Variants in HDC observed in about 807,000 individuals in gnomAD.
HDC encodes the protein histidine decarboxylase.
A neutral mutation model predicts 64.4 loss-of-function variants in HDC; 27 were observed. That is an observed-to-expected ratio of 0.42 (90% CI 0.31 to 0.58). HDC has a LOEUF of 0.58. Ranked by LOEUF, HDC falls within the 20% of genes least tolerant of loss-of-function variation. The pLI is 0.16. For missense variants in HDC, 711 were observed against 833.9 expected (o/e 0.85, Z 1.81); for synonymous variants, 305 against 314.2 (o/e 0.97, Z 0.31).
chr15:50,254,695 T>C, intron 4 of HDC, 31 bp from the exon 5 acceptor site: 1 of 1,613,328 alleles, frequency 6.2e-7, no homozygotes, highest in African/African-American at 1.3e-5. Context: ...CATGGCAGCC[T>C]TTCTGTATTC....
In HDC at chr15:50,242,031, G is replaced by C. The variant is rs1310175689; in HGVS notation, c.*229C>G. The C allele has an allele frequency of 1.7e-6, 1 of 587,990 alleles. No individual in the cohort carries two copies. The highest frequency in any genetic ancestry group is 3.0e-6 in the Non-Finnish European group (1 of 330,856). The allele number at this position is 587,990 out of a possible 1,614,324, so 36.4% of individuals were successfully genotyped here. A position where few individuals can be genotyped will look rare whatever the true frequency, so the allele number is the denominator to read the frequency against. ...CCACAGAAGCTGCCTGTCTACCCTC[G>C]GCCCTTTCTCACTGACCAGACTGCT... On this transcript the variant is annotated 3_prime_UTR_variant, in exon 12 of 12. Transcript: ENST00000267845.
chr15:50,258,655 C>G (rs528571233), intron 2 of HDC, 138 bp from the exon 3 acceptor site: 11 of 693,410 alleles, frequency 1.6e-5, no homozygotes, highest in Non-Finnish European at 2.9e-5. Flanking sequence ...AGTGACATAA[C>G]TCCATGAAAA....
chr15:50,249,757 T>G, intron 9 of HDC, among the ~76,000 whole-genome samples: 1 of 152,236 alleles, frequency 6.6e-6, no homozygotes, highest in South Asian at 2.1e-4. Flanking sequence ...ATAGCCAATT[T>G]ATTTCATATA....
At position 50,242,307 on chromosome 15, in the gene HDC, G is replaced by A. The variant is rs749549807; in HGVS notation, c.1942C>T (p.Gln648Ter). ...SVPSFPECSSQCGLQLPCCPL... is the reference protein window; with the variant it reads ...SVPSFPECSS ...CAACAGGGCAGCTGGAGTCCACATTGAGAGCTGCATTCAGGAAAGCTGGGG... is the reference window on the plus strand; with the variant it reads ...CAACAGGGCAGCTGGAGTCCACATTAAGAGCTGCATTCAGGAAAGCTGGGG... Residue 648 changes from glutamine to a stop codon, truncating the protein, a stop_gained, in exon 12 of 12, where the codon CAA (glutamine) becomes TAA (stop). Coordinates refer to ENST00000267845, the MANE Select transcript of HDC (RefSeq NM_002112.4). LOFTEE classifies it high-confidence loss of function. 1.2e-6 allele frequency: 2 copies of A among 1,614,034 alleles called. No homozygotes were observed. The highest frequency in any genetic ancestry group is 1.3e-5 in the African/African-American group (1 of 74,924).
intron 2 of HDC, among the ~76,000 whole-genome samples, chr15:50,258,945 G>A (rs899393069): frequency 1.3e-5 from 2 of 152,038 alleles, no homozygotes; most frequent in African/African-American, 4.8e-5. Context: ...TGGATCACGA[G>A]ATCAAGAGAT....
Position 50,248,206 on chromosome 15 carries a change from G to A in HDC, c.1140+39C>T. On this transcript the variant is annotated intron_variant, in intron 10 of 11. Transcript: ENST00000267845. The surrounding 1 kb of genome is among the most constrained non-coding windows in gnomAD (Gnocchi z 4.3). Reference sequence around the variant, plus strand: ...GCCTTCCTCGCCATGAGAAAACAGAGGAACACAGGCTCAGCCCCCACAGCA... The same window carrying A: ...GCCTTCCTCGCCATGAGAAAACAGAAGAACACAGGCTCAGCCCCCACAGCA... 1 of 1,410,478 alleles carries A rather than the reference G, an allele frequency of 7.1e-7. No individual in the cohort carries two copies. The highest frequency in any genetic ancestry group is 1.2e-5 in the South Asian group (1 of 86,452). 87.4% of individuals were successfully genotyped at this position (1,410,478 alleles called of 1,614,324 possible).
At chr15:50,256,895 G>A (rs562823835) in intron 4 of HDC, among the ~76,000 whole-genome samples, 57 of 152,204 alleles carry the variant, frequency 3.7e-4, no homozygotes, top group Middle Eastern at 3.4e-3. Context: ...AATGTGTGTG[G>A]TCCATGGGAG....
At chr15:50,244,104 T>C (rs1239710444) in intron 10 of HDC, among the ~76,000 whole-genome samples, 1 of 152,216 alleles carries the variant, frequency 6.6e-6, no homozygotes, top group African/African-American at 2.4e-5. Context: ...GGTTTTTTGC[T>C]TTTTGTTTTT....
At chr15:50,262,381 T>C (rs1013345424) in intron 2 of HDC, among the ~76,000 whole-genome samples, 1 of 152,150 alleles carries the variant, frequency 6.6e-6, no homozygotes, top group Admixed American at 6.5e-5. Context: ...CTGGGAAGAT[T>C]AAATTAGATA....
In HDC at chr15:50,248,969, G is replaced by C. The variant is rs1464581342; in HGVS notation, c.1042-626C>G. Among the ~76,000 whole-genome samples, 3 of 152,236 alleles carry C rather than the reference G, an allele frequency of 2.0e-5. No individual in the cohort carries two copies. The highest frequency in any genetic ancestry group is 4.4e-5 in the Non-Finnish European group (3 of 68,048). On this transcript the variant is annotated intron_variant, in intron 9 of 11. Coordinates refer to ENST00000267845, the MANE Select transcript of HDC (RefSeq NM_002112.4). The surrounding 1 kb of genome is among the most constrained non-coding windows in gnomAD (Gnocchi z 4.3). The stretch of plus-strand genomic sequence containing the variant: ...GTTGTCAGTAGGTGTTGGCTATTTA[G>C]ATTATTTTAAAATGTGAGCTACAAA...
chr15:50,254,056 C>T (rs759880363), intron 6 of HDC, 74 bp downstream of exon 6: 28 of 1,523,182 alleles, frequency 1.8e-5, no homozygotes, highest in Non-Finnish European at 2.5e-5. Flanking sequence ...ATGTTACTTA[C>T]CTGAATTCTG....
Position 50,251,833 on chromosome 15 carries a change from G to GA in HDC, c.1041+596dup, listed in dbSNP as rs1055493584. On this transcript the variant is annotated intron_variant, in intron 9 of 11. Coordinates refer to ENST00000267845, the MANE Select transcript of HDC (RefSeq NM_002112.4). ...GTTGACAGAGCGAGACTCTGTCTCA[G>GA]AAAAAAAAAAAGAAAGAAAGAAAGA... Among the ~76,000 whole-genome samples the GA allele has an allele frequency of 1.9e-3, 274 of 145,182 alleles. 2 individuals carry two copies. The highest frequency in any genetic ancestry group is 6.1e-3 in the African/African-American group (232 of 37,880).
At chr15:50,252,211 G>C (rs1340805467) in intron 9 of HDC, among the ~76,000 whole-genome samples, 2 of 152,188 alleles carry the variant, frequency 1.3e-5, no homozygotes, top group Non-Finnish European at 2.9e-5. Context: ...CTGCCTCAAA[G>C]GCTGGTCTCA....
At position 50,248,365 on chromosome 15, in the gene HDC, G is replaced by A; in HGVS notation, c.1042-22C>T. ...AGTGCTAGAAACAAAGGAACACAGTGCCCAAGGTTAGAGACAAGGGTGCCC... is the reference window on the plus strand; with the variant it reads ...AGTGCTAGAAACAAAGGAACACAGTACCCAAGGTTAGAGACAAGGGTGCCC... On this transcript the variant is annotated intron_variant, in intron 9 of 11. Coordinates refer to ENST00000267845, the MANE Select transcript of HDC (RefSeq NM_002112.4). The surrounding 1 kb of genome is among the most constrained non-coding windows in gnomAD (Gnocchi z 4.3). 2 of 1,573,528 alleles carry A rather than the reference G, an allele frequency of 1.3e-6. No individual in the cohort carries two copies. Among genetic ancestry groups the A allele is most frequent in the Non-Finnish European group, 1.7e-6 (2 of 1,143,588 alleles).
rs1234173883 is a variant in HDC, at chr15:50,263,375, G to A, written c.64C>T (p.Leu22=). 3.1e-6 allele frequency: 5 copies of A among 1,614,176 alleles called. No individual in the cohort carries two copies. The highest frequency in any genetic ancestry group is 4.2e-6 in the Non-Finnish European group (5 of 1,180,010). Residue 22 remains leucine, a synonymous_variant, in exon 2 of 12, where the codon CTG becomes TTG. Transcript: ENST00000267845. ...REMVDYICQY[L]STVRERRVTP... is the part of the protein sequence containing the mutation. ...ACACGTCTCTCCCGCACAGTGCTCAGGTACTGGCAGATGTAATCCACCATC... is the reference window on the plus strand; with the variant it reads ...ACACGTCTCTCCCGCACAGTGCTCAAGTACTGGCAGATGTAATCCACCATC...
chr15:50,254,553 G>T lies in HDC; in HGVS notation c.553C>A (p.Leu185Ile), dbSNP rs780307521. 3 of 1,614,254 alleles carry T rather than the reference G, an allele frequency of 1.9e-6. No homozygotes were observed. Among genetic ancestry groups the T allele is most frequent in the Non-Finnish European group, 2.5e-6 (3 of 1,180,046 alleles). ...ACCTGGTCAGAGGCATAGGCCACGA[G>T]TCGGGCATTTAGGCAGGACTCATCA... ...DADESCLNAR[L>I]VAYASDQAHS... Residue 185 changes from leucine (L) to isoleucine (I), a missense_variant, in exon 5 of 12, where the codon CTC (leucine) becomes ATC (isoleucine). Physicochemically the swap from Leu to Ile is conservative, Grantham distance 5. Transcript: ENST00000267845.
chr15:50,260,352 C>CA lies in HDC; in HGVS notation c.205-1836dup, dbSNP rs1167856003. On this transcript the variant is annotated intron_variant, in intron 2 of 11. Coordinates refer to ENST00000267845, the MANE Select transcript of HDC (RefSeq NM_002112.4). ...TTTTTTGTTTTTCAAAAGGAGGTCT[C>CA]AAAAAGTGTTTACAGTACAGACCCC... 2.0e-5 allele frequency among the ~76,000 whole-genome samples: 3 copies of CA among 152,042 alleles called. No individual in the cohort carries two copies. The East Asian group carries it at 5.8e-4, about 29-fold the overall frequency.
At chr15:50,254,366 T>A (rs2045598377) in intron 5 of HDC, 93 bp from the exon 6 acceptor site, 1 of 1,556,366 alleles carries the variant, frequency 6.4e-7, no homozygotes, top group Non-Finnish European at 8.8e-7. Flanking sequence ...GAACCAAATA[T>A]GATCATTGGA....
chr15:50,263,479 A>G (rs973328381), intron 1 of HDC, 72 bp from the exon 2 acceptor site: 4 of 1,440,728 alleles, frequency 2.8e-6, no homozygotes, highest in Non-Finnish European at 3.9e-6. Flanking sequence ...CATCCCTCTC[A>G]GGTCCGGGCC....
Sources: allele counts gnomAD v4.1 joint callset (sites outside exome capture counted in the v4.1 genomes callset), GRCh38; gene constraint gnomAD v4.1.1; non-coding constraint Gnocchi (gnomAD v3.1); transcripts MANE v1.5; gene names NCBI Gene and HGNC (gene_info 2026-07-23, HGNC 2026-07-21).